UBE2G2: variants seen among roughly 807,000 people sequenced by gnomAD.
UBE2G2 encodes the protein ubiquitin conjugating enzyme E2 G2, also known as ubiquitin-conjugating enzyme E2 G2.
A neutral mutation model predicts 23.0 loss-of-function variants in UBE2G2; 10 were observed. The ratio of observed to expected loss-of-function variants is 0.43; its 90% CI spans 0.27 to 0.74. UBE2G2 has a LOEUF of 0.74. UBE2G2 is among the 30% of genes least tolerant of loss of function. The pLI is 0.19. For missense variants in UBE2G2, 150 were observed against 218.3 expected, an observed-to-expected ratio of 0.69 and a Z score of 1.97; for synonymous variants, 86 against 81.3, an observed-to-expected ratio of 1.06 and a Z score of -0.31.
At chr21:44,795,463 C>T (rs1232175696) in intron 1 of UBE2G2, among the ~76,000 whole-genome samples, 6 of 151,798 alleles carry the variant, frequency 4.0e-5, no homozygotes, top group African/African-American at 1.5e-4. Flanking sequence ...GAAACCCTAT[C>T]TCTACTAAAA....
At chr21:44,798,755 T>C (rs945922989) in intron 1 of UBE2G2, among the ~76,000 whole-genome samples, 4 of 152,222 alleles carry the variant, frequency 2.6e-5, no homozygotes, top group Admixed American at 6.5e-5. Context: ...TCCATGAGCA[T>C]TGAAATCAAC....
Position 44,795,879 on chromosome 21 carries a change from G to T in UBE2G2, c.43+5827C>A, listed in dbSNP as rs2083084809. Among the ~76,000 whole-genome samples, 5 of 152,264 alleles carry T rather than the reference G, an allele frequency of 3.3e-5. No individual in the cohort carries two copies. In the Middle Eastern group the frequency reaches 0.014, roughly 414 times the overall value. ...TACATTTAGGACATGCACACAGGGG[G>T]AAGATGGCCATGCGAAGATGGAGGC... On this transcript the variant is annotated intron_variant, in intron 1 of 5. Coordinates refer to ENST00000345496, the MANE Select transcript of UBE2G2 (RefSeq NM_003343.6).
At chr21:44,799,073 A>G (rs2083115444) in intron 1 of UBE2G2, among the ~76,000 whole-genome samples, 1 of 152,164 alleles carries the variant, frequency 6.6e-6, no homozygotes, top group Admixed American at 6.5e-5. Flanking sequence ...TATTTTGAAG[A>G]TAATCTTTTT....
Position 44,772,680 on chromosome 21 carries a change from C to T in UBE2G2, c.385+867G>A, listed in dbSNP as rs1186891924. 6.6e-6 allele frequency among the ~76,000 whole-genome samples: 1 copy of T among 152,146 alleles called. No homozygotes were observed. The highest frequency in any genetic ancestry group is 1.5e-5 in the Non-Finnish European group (1 of 68,028). ...TCCCCAAATCCTGCTGTCTCCTGAA[C>T]CCAGAGCAGCACCTCTGGTAGACAA... On this transcript the variant is annotated intron_variant, in intron 5 of 5. Coordinates refer to ENST00000345496, the MANE Select transcript of UBE2G2 (RefSeq NM_003343.6). The surrounding 1 kb of genome is among the most constrained non-coding windows in gnomAD (Gnocchi z 5.4).
At chr21:44,779,374 G>GC (rs1569295263) in intron 3 of UBE2G2, among the ~76,000 whole-genome samples, 2 of 136,132 alleles carry the variant, frequency 1.5e-5, no homozygotes, top group African/African-American at 5.4e-5. Context: ...GCTGGGGTGG[G>GC]GGGGGGGTAC....
At chr21:44,786,005 T>G (rs1197430855) in intron 3 of UBE2G2, among the ~76,000 whole-genome samples, 1 of 152,262 alleles carries the variant, frequency 6.6e-6, no homozygotes, top group Non-Finnish European at 1.5e-5. Flanking sequence ...AATGAACATT[T>G]TTTTAAAACC....
In UBE2G2 at chr21:44,773,718, C is replaced by A. The variant is rs782302231; in HGVS notation, c.245-31G>T. The A allele has an allele frequency of 3.1e-6, 5 of 1,605,260 alleles. No homozygotes were observed. In the Admixed American group the frequency reaches 8.4e-5, roughly 27 times the overall value. ...AGGGTCAGAGGCAGCCAAGTGAGCC[C>A]AGGAATGGTGCCCGAGGCATCGCCG... On this transcript the variant is annotated intron_variant, in intron 4 of 5. Coordinates refer to ENST00000345496, the MANE Select transcript of UBE2G2 (RefSeq NM_003343.6).
intron 1 of UBE2G2, among the ~76,000 whole-genome samples, chr21:44,789,663 T>A (rs1314899312): frequency 1.3e-5 from 2 of 151,906 alleles, no homozygotes; most frequent in Non-Finnish European, 2.9e-5. Context: ...TCACACCACA[T>A]ATAAAAATCA....
intron 3 of UBE2G2, among the ~76,000 whole-genome samples, chr21:44,778,865 G>A (rs2082933701): frequency 6.6e-6 from 1 of 152,270 alleles, no homozygotes; most frequent in African/African-American, 2.4e-5. Flanking sequence ...GTCGTGCAGG[G>A]GCCGAGGCCT....
At chr21:44,776,770 C>T in intron 4 of UBE2G2, 1 of 156,142 alleles carries the variant, frequency 6.4e-6, no homozygotes, top group Non-Finnish European at 1.4e-5. Flanking sequence ...CTAAGATGTG[C>T]CTTTGCTTCT....
chr21:44,771,436 C>A lies in UBE2G2; in HGVS notation c.439G>T (p.Asp147Tyr). 1 of 1,613,066 alleles carries A rather than the reference C, an allele frequency of 6.2e-7. No individual in the cohort carries two copies. The change falls in exon 6 of 6, where the codon GAC becomes TAC. Residue 147 changes from aspartate (D) to tyrosine (Y), a missense_variant. Asp to Tyr is a radical substitution (Grantham distance 160). Transcript: ENST00000345496. The surrounding 1 kb of genome is among the most constrained non-coding windows in gnomAD (Gnocchi z 4.6). Reference protein sequence around the residue: ...NVDASKMWRDDREQFYKIAKQ... With the variant: ...NVDASKMWRDYREQFYKIAKQ... Reference sequence around the variant, plus strand: ...GCAATCTTATAGAACTGCTCCCGGTCATCGCGCCACATTTTGGACGCATCC... The same window carrying A: ...GCAATCTTATAGAACTGCTCCCGGTAATCGCGCCACATTTTGGACGCATCC...
In UBE2G2 at chr21:44,790,787, G is replaced by A. The variant is rs535632746; in HGVS notation, c.44-2692C>T. 4.6e-5 allele frequency among the ~76,000 whole-genome samples: 7 copies of A among 152,278 alleles called. No homozygotes were observed. In the South Asian group the frequency reaches 8.3e-4, roughly 18 times the overall value. ...TTCTTATAGGAGTGTGAAAACAGAT[G>A]AATACAGTAAATTGGTACCAGGGGT... On this transcript the variant is annotated intron_variant, in intron 1 of 5. Coordinates refer to ENST00000345496, the MANE Select transcript of UBE2G2 (RefSeq NM_003343.6).
In UBE2G2 at chr21:44,786,989, G is replaced by C. The variant is rs1209878654; in HGVS notation, c.125+931C>G. Among the ~76,000 whole-genome samples the C allele has an allele frequency of 2.0e-5, 3 of 152,102 alleles. No individual in the cohort carries two copies. In the East Asian group the frequency reaches 5.8e-4, roughly 29 times the overall value. ...TACCTGTAATCCCAGCTACTAGGGAGGCTGAGGCAGGAGAATCGCTTGAAC... is the reference window on the plus strand; with the variant it reads ...TACCTGTAATCCCAGCTACTAGGGACGCTGAGGCAGGAGAATCGCTTGAAC... On this transcript the variant is annotated intron_variant, in intron 3 of 5. Transcript: ENST00000345496.
intron 3 of UBE2G2, among the ~76,000 whole-genome samples, chr21:44,782,905 TA>T (rs1177178358): frequency 6.6e-6 from 1 of 152,110 alleles, no homozygotes; most frequent in African/African-American, 2.4e-5. Flanking sequence ...GCATGCTCTA[TA>T]TAAGAAAAAA....
At chr21:44,791,472 A>C (rs235268) in intron 1 of UBE2G2, among the ~76,000 whole-genome samples, 115,672 of 152,128 alleles carry the variant, frequency 0.76, 44,451 homozygotes, top group African/African-American at 0.87. Flanking sequence ...GCCAAGGTAC[A>C]GCTCAGGCTG....
chr21:44,780,646 G>A (rs1191440983), intron 3 of UBE2G2, among the ~76,000 whole-genome samples: 1 of 152,214 alleles, frequency 6.6e-6, no homozygotes, highest in Non-Finnish European at 1.5e-5. Flanking sequence ...TTGCTGTCTT[G>A]TGGGTGAATT....
chr21:44,769,779 C>G lies in UBE2G2; in HGVS notation c.*1598G>C, dbSNP rs782171999. 2 of 152,274 alleles carry G rather than the reference C, an allele frequency of 1.3e-5. No individual in the cohort carries two copies. The highest frequency in any genetic ancestry group is 2.9e-5 in the Non-Finnish European group (2 of 68,080). The allele number at this position is 152,274 out of a possible 1,614,324, so 9.4% of individuals were successfully genotyped here. On this transcript the variant is annotated 3_prime_UTR_variant, in exon 6 of 6. Transcript: ENST00000345496. ...ACCAGAAACTGTCACCCATGACACT[C>G]TGTGTGGGTTCAGTCACACAGACCA...
At position 44,792,640 on chromosome 21, in the gene UBE2G2, A is replaced by G. The variant is rs2146402736; in HGVS notation, c.44-4545T>C. The stretch of plus-strand genomic sequence containing the variant: ...CCTTTATAATTACCCAGTCTCAGGT[A>G]GTATCTTTATGGCAGTATAAGAACG... On this transcript the variant is annotated intron_variant, in intron 1 of 5. Coordinates refer to ENST00000345496, the MANE Select transcript of UBE2G2 (RefSeq NM_003343.6). Among the ~76,000 whole-genome samples the G allele has an allele frequency of 2.6e-5, 4 of 152,346 alleles. 1 individual carries two copies. The Middle Eastern group carries it at 0.01, about 389-fold the overall frequency.
intron 1 of UBE2G2, among the ~76,000 whole-genome samples, chr21:44,797,988 G>A (rs1322035941): frequency 6.6e-6 from 1 of 152,048 alleles, no homozygotes; most frequent in Admixed American, 6.6e-5. Context: ...ATAGAGGGAG[G>A]TCAAGATGAA....
Sources: allele counts gnomAD v4.1 joint callset (sites outside exome capture counted in the v4.1 genomes callset), GRCh38; gene constraint gnomAD v4.1.1; non-coding constraint Gnocchi (gnomAD v3.1); transcripts MANE v1.5; gene names NCBI Gene and HGNC (gene_info 2026-07-23, HGNC 2026-07-21).